ADCY3: variants seen among roughly 807,000 people sequenced by gnomAD.
The protein encoded by ADCY3 is adenylate cyclase 3.
ADCY3 carries 70 observed loss-of-function variants against 119.4 expected under a neutral mutation model. The ratio of observed to expected loss-of-function variants is 0.59; its 90% CI spans 0.48 to 0.72. ADCY3 has a LOEUF of 0.72. Among genes scored for constraint, ADCY3 ranks in the 30% least tolerant of loss-of-function variants. The probability of loss-of-function intolerance (pLI) is 0.00; values close to 1 mark genes in which losing one functional copy is unlikely to be tolerated. For synonymous variants in ADCY3, 672 were observed against 621.4 expected, an observed-to-expected ratio of 1.08 and a Z score of -1.21; for missense variants, 1,238 against 1,541.6, an observed-to-expected ratio of 0.80 and a Z score of 3.30.
At position 24,918,776 on chromosome 2, in the gene ADCY3, T is replaced by C. The variant is rs370308917; in HGVS notation, c.212A>G (p.Lys71Arg). 11 of 1,613,938 alleles carry C rather than the reference T, an allele frequency of 6.8e-6. No individual in the cohort carries two copies. The highest frequency in any genetic ancestry group is 9.3e-6 in the Non-Finnish European group (11 of 1,180,004). Reference protein sequence around the residue: ...SLENLYQTYFKRQRHETLLVL... With the variant: ...SLENLYQTYFRRQRHETLLVL... ...CAGCAGGGTCTCGTGGCGCTGCCTT[T>C]TGAAGTAGGTCTGGTAGAGGTTCTC... The change falls in exon 2 of 22, where the codon AAA becomes AGA. Residue 71 changes from lysine to arginine, a missense_variant. Physicochemically the swap from Lys to Arg is conservative, Grantham distance 26 (BLOSUM62 2). Around this residue, in one of 7 missense-constraint regions of ADCY3, gnomAD observed 227 missense variants for 249.3 expected, o/e 0.91. Transcript: ENST00000679454. This position sits in a 1 kb window ranked among gnomAD's most constrained non-coding sequence, Gnocchi z 5.4.
At chr2:24,829,716 CCGG>C (rs1553335782) in intron 13 of ADCY3, among the ~76,000 whole-genome samples, 12 of 151,566 alleles carry the variant, frequency 7.9e-5, no homozygotes, top group African/African-American at 1.7e-4. Context: ...GCCACTGCGC[CCGG>C]CACCGTGTGC....
At chr2:24,837,874 T>C (rs887479057) in intron 8 of ADCY3, among the ~76,000 whole-genome samples, 6 of 152,158 alleles carry the variant, frequency 3.9e-5, no homozygotes, top group Admixed American at 6.5e-5. Context: ...GGATGCACGA[T>C]TGCAAGCTTG....
At chr2:24,903,565 G>A (rs1262073112) in intron 2 of ADCY3, among the ~76,000 whole-genome samples, 1 of 152,052 alleles carries the variant, frequency 6.6e-6, no homozygotes, top group Admixed American at 6.5e-5. Context: ...TCACAGAGTG[G>A]GTGTGAGGAC....
chr2:24,829,587 A>AT (rs1195592990), intron 13 of ADCY3, among the ~76,000 whole-genome samples: 2 of 150,086 alleles, frequency 1.3e-5, no homozygotes, highest in Admixed American at 6.6e-5. Flanking sequence ...CGCCCGGCTA[A>AT]TTTTTTTGTA....
chr2:24,837,491 C>CA (rs1461695906), intron 8 of ADCY3, among the ~76,000 whole-genome samples: 1 of 152,174 alleles, frequency 6.6e-6, no homozygotes, highest in Non-Finnish European at 1.5e-5. Context: ...CGGGGAGTAT[C>CA]AGCCTTCACT....
intron 2 of ADCY3, among the ~76,000 whole-genome samples, chr2:24,881,163 A>G (rs1333403974): frequency 2.0e-5 from 3 of 152,192 alleles, no homozygotes; most frequent in Non-Finnish European, 2.9e-5. Flanking sequence ...CGTCACCAGA[A>G]CACCACACAC....
chr2:24,917,953 G>GC (rs1429405134), intron 2 of ADCY3, among the ~76,000 whole-genome samples: 2 of 152,178 alleles, frequency 1.3e-5, no homozygotes, highest in East Asian at 3.9e-4. Flanking sequence ...GAATCAAGGA[G>GC]CCCTCTTCCC....
chr2:24,830,270 A>G (rs1287985244), intron 13 of ADCY3, among the ~76,000 whole-genome samples: 4 of 151,736 alleles, frequency 2.6e-5, no homozygotes, highest in African/African-American at 4.8e-5. Context: ...CGAACTCCTG[A>G]CCTCGTGATC....
At chr2:24,835,973 CACAGGT>C (rs1261230830) in intron 9 of ADCY3, among the ~76,000 whole-genome samples, 3 of 151,654 alleles carry the variant, frequency 2.0e-5, no homozygotes, top group Admixed American at 2.0e-4. Flanking sequence ...TAAGCACAGG[CACAGGT>C]GTGCCACTGG....
chr2:24,908,337 G>T (rs58622861), intron 2 of ADCY3, among the ~76,000 whole-genome samples: 244 of 151,632 alleles, frequency 1.6e-3, no homozygotes, highest in African/African-American at 5.7e-3. Context: ...AAAAAAGAAA[G>T]AAAAAAAAGT....
At chr2:24,875,640 C>T (rs2148835450) in intron 2 of ADCY3, among the ~76,000 whole-genome samples, 1 of 152,322 alleles carries the variant, frequency 6.6e-6, no homozygotes, top group Non-Finnish European at 1.5e-5. Flanking sequence ...TGCTCCCAGG[C>T]AACACTGACG....
intron 2 of ADCY3, among the ~76,000 whole-genome samples, chr2:24,887,232 AACTC>A (rs1677138850): frequency 6.6e-6 from 1 of 152,220 alleles, no homozygotes; most frequent in South Asian, 2.1e-4. Flanking sequence ...ATCTTGTGAG[AACTC>A]ACTCACTATC....
intron 2 of ADCY3, among the ~76,000 whole-genome samples, chr2:24,904,680 C>A (rs1024773801): frequency 6.6e-6 from 1 of 151,992 alleles, no homozygotes; most frequent in African/African-American, 2.4e-5. Context: ...GCATCTCTGT[C>A]GCCCAGGCTG....
At position 24,819,986 on chromosome 2, in the gene ADCY3, G is replaced by T. The variant is rs1667306120; in HGVS notation, c.3381C>A (p.Thr1127=). The T allele has an allele frequency of 6.2e-7, 1 of 1,613,550 alleles. No homozygotes were observed. Among genetic ancestry groups the T allele is most frequent in the African/African-American group, 1.3e-5 (1 of 74,880 alleles). The change falls in exon 22 of 22, where the codon ACC becomes ACA. Residue 1127 remains threonine (T), a synonymous_variant. Transcript: ENST00000679454. ...FFLKGRDKLA[T]FPNGPSVTLP... is the part of the protein sequence containing the mutation. ...GTGTGACAGAGGGGCCATTGGGGAAGGTGGCTAGCTTATCCCGCCCCTTCA... is the reference window on the plus strand; with the variant it reads ...GTGTGACAGAGGGGCCATTGGGGAATGTGGCTAGCTTATCCCGCCCCTTCA...
At chr2:24,830,252 G>C (rs1159117660) in intron 13 of ADCY3, among the ~76,000 whole-genome samples, 1 of 151,498 alleles carries the variant, frequency 6.6e-6, no homozygotes. Context: ...TGTTGGCCAG[G>C]CTGGTTTCGA....
At chr2:24,828,750 G>A (rs560878833) in intron 13 of ADCY3, among the ~76,000 whole-genome samples, 26 of 152,306 alleles carry the variant, frequency 1.7e-4, no homozygotes, top group African/African-American at 5.5e-4. Flanking sequence ...TTGCTTGCGC[G>A]ATTCCCGCCA....
intron 2 of ADCY3, among the ~76,000 whole-genome samples, chr2:24,906,176 G>A (rs1573045737): frequency 6.6e-6 from 1 of 152,044 alleles, no homozygotes; most frequent in South Asian, 2.1e-4. Context: ...TCGTGGTGGT[G>A]CACGCCTGTA....
chr2:24,848,507 T>C (rs1406726545), intron 3 of ADCY3, among the ~76,000 whole-genome samples: 2 of 152,212 alleles, frequency 1.3e-5, no homozygotes, highest in African/African-American at 2.4e-5. Flanking sequence ...TATATTTCTG[T>C]GTGCGTGTCT....
intron 7 of ADCY3, among the ~76,000 whole-genome samples, chr2:24,839,257 C>T (rs6723610): frequency 0.48 from 73,551 of 152,000 alleles, 18,660 homozygotes; most frequent in East Asian, 0.78. Context: ...CCACCTTGCA[C>T]GTTTCTCAGT....
Sources: allele counts gnomAD v4.1 joint callset (sites outside exome capture counted in the v4.1 genomes callset), GRCh38; gene constraint gnomAD v4.1.1; regional missense constraint gnomAD v4.1.1; non-coding constraint Gnocchi (gnomAD v3.1); transcripts MANE v1.5; gene names NCBI Gene and HGNC (gene_info 2026-07-23, HGNC 2026-07-21).